Variants in COL6A1 observed in about 807,000 individuals in gnomAD.
COL6A1 encodes collagen type VI alpha 1 chain, also known as collagen alpha-1(VI) chain.
Under a neutral mutation model 145.6 loss-of-function variants are expected in COL6A1, and 80 were observed. The ratio of observed to expected loss-of-function variants is 0.55; its 90% CI spans 0.46 to 0.66. COL6A1 has a LOEUF of 0.66. COL6A1 is among the 30% of genes least tolerant of loss of function. COL6A1 has a pLI of 0.00. For synonymous variants in COL6A1, 638 were observed against 622.8 expected (o/e 1.02, Z -0.36); for missense variants, 1,364 against 1,473.8 (o/e 0.93, Z 1.22).
Position 46,003,574 on chromosome 21 carries a change from A to T in COL6A1, c.2648A>T (p.Gln883Leu). Reference protein sequence around the residue: ...VAVVQYSGTGQQRPERASLQF... With the variant: ...VAVVQYSGTGLQRPERASLQF... ...GTGGTGCAGTACAGCGGCACGGGCC[A>T]GCAGCGCCCAGAGCGGGCGTCGCTG... is the stretch of plus-strand genomic sequence containing the variant. The change falls in exon 35 of 35, where the codon CAG becomes CTG. Residue 883 changes from glutamine (Q) to leucine (L), a missense_variant. Coordinates refer to ENST00000361866, the MANE Select transcript of COL6A1 (RefSeq NM_001848.3). 1 of 1,612,660 alleles carries T rather than the reference A, an allele frequency of 6.2e-7. No homozygotes were observed. Among genetic ancestry groups the T allele is most frequent in the South Asian group, 1.1e-5 (1 of 91,072 alleles).
At chr21:45,997,543 A>C in intron 21 of COL6A1, 60 bp downstream of exon 21, 2 of 1,558,686 alleles carry the variant, frequency 1.3e-6, no homozygotes, top group Admixed American at 3.4e-5. Context: ...TCCAGAACCC[A>C]CTGTCTGCCC....
At chr21:45,999,771 T>C in intron 27 of COL6A1, 79 bp downstream of exon 27, 1 of 1,012,630 alleles carries the variant, frequency 9.9e-7, no homozygotes, top group Non-Finnish European at 1.4e-6. Context: ...TGTCCATGGG[T>C]GCTCCTGTAG....
intron 25 of COL6A1, 97 bp downstream of exon 25, chr21:45,999,056 C>T (rs1052520579): frequency 6.5e-7 from 1 of 1,542,540 alleles, no homozygotes; most frequent in Non-Finnish European, 8.8e-7. Flanking sequence ...TTGGGGAGGC[C>T]TCATGGGCCC....
rs1569518501 is a variant in COL6A1, at chr21:45,994,505, C to CG, written c.1398+280dup. On this transcript the variant is annotated intron_variant, in intron 20 of 34. Coordinates refer to ENST00000361866, the MANE Select transcript of COL6A1 (RefSeq NM_001848.3). This position sits in a 1 kb window ranked among gnomAD's most constrained non-coding sequence, Gnocchi z 6.8. ...GAGAAGCGCTGTCTGGGGGCCCATCCGGGGCAAGGGTGCCTCACAGTGAGG... is the reference window on the plus strand; with the variant it reads ...GAGAAGCGCTGTCTGGGGGCCCATCCGGGGGCAAGGGTGCCTCACAGTGAGG... Among the ~76,000 whole-genome samples, 1 of 152,048 alleles carries CG rather than the reference C, an allele frequency of 6.6e-6. No individual in the cohort carries two copies. The highest frequency in any genetic ancestry group is 1.5e-5 in the Non-Finnish European group (1 of 67,994).
At chr21:45,999,789 T>C (rs2123485333) in intron 27 of COL6A1, 97 bp downstream of exon 27, 107 of 720,070 alleles carry the variant, frequency 1.5e-4, no homozygotes, top group East Asian at 3.5e-4. Flanking sequence ...TAGACGCTGC[T>C]CACGGGGGGG....
intron 28 of COL6A1, 151 bp from the exon 29 acceptor site, chr21:46,000,608 G>T: frequency 7.5e-7 from 1 of 1,334,006 alleles, no homozygotes; most frequent in Non-Finnish European, 1.1e-6. Flanking sequence ...CCGGGGAGGC[G>T]GGGAGGCGGG....
intron 17 of COL6A1, 29 bp downstream of exon 17, chr21:45,992,246 GGGAAGTGCAT>G (rs1313336247): frequency 4.3e-6 from 7 of 1,613,562 alleles, no homozygotes; most frequent in Non-Finnish European, 5.9e-6. Flanking sequence ...CACCTTCCTG[GGGAAGTGCAT>G]GGCCTCAGCT....
chr21:46,001,742 G>A (rs2077846642), intron 30 of COL6A1, among the ~76,000 whole-genome samples: 1 of 151,754 alleles, frequency 6.6e-6, no homozygotes, highest in African/African-American at 2.4e-5. Context: ...CCCGGGGGCT[G>A]TGCCACCCTC....
At chr21:45,989,570 C>T (rs781433523) in intron 9 of COL6A1, 38 bp from the exon 10 acceptor site, 2 of 1,606,836 alleles carry the variant, frequency 1.2e-6, no homozygotes, top group Non-Finnish European at 1.7e-6. Context: ...TGCCCCTGCT[C>T]CTCCGGGGGT....
chr21:45,992,242 C>G, intron 17 of COL6A1, 25 bp downstream of exon 17: 1 of 1,613,688 alleles, frequency 6.2e-7, no homozygotes, highest in East Asian at 2.2e-5. Context: ...CTGACACCTT[C>G]CTGGGGAAGT....
At chr21:45,987,358 C>T (rs1473099739) in intron 6 of COL6A1, 141 bp from the exon 7 acceptor site, 26 of 1,472,342 alleles carry the variant, frequency 1.8e-5, no homozygotes, top group Non-Finnish European at 2.3e-5. Flanking sequence ...GTGTGTCTGC[C>T]CATGTGCCTG....
chr21:46,002,778 C>T (rs891039383), intron 33 of COL6A1, 68 bp downstream of exon 33: 1 of 1,489,198 alleles, frequency 6.7e-7, no homozygotes, highest in African/African-American at 1.4e-5. Flanking sequence ...CGGGCAGTCC[C>T]AGATCTGCGT....
chr21:45,991,087 C>T, intron 15 of COL6A1, 46 bp downstream of exon 15: 1 of 1,599,298 alleles, frequency 6.3e-7, no homozygotes, highest in Non-Finnish European at 8.6e-7. Flanking sequence ...TCACGGTTGG[C>T]CAAGCGCTGA....
intron 27 of COL6A1, among the ~76,000 whole-genome samples, 168 bp downstream of exon 27, chr21:45,999,860 C>CTGTGAAGAT (rs1299760218): frequency 4.4e-5 from 1 of 22,714 alleles, no homozygotes; most frequent in Admixed American, 8.8e-4. Flanking sequence ...ATGGGAGGAC[C>CTGTGAAGAT]CGTGAGGATC....
intron 1 of COL6A1, 109 bp from the exon 2 acceptor site, chr21:45,982,525 G>C: frequency 6.6e-7 from 1 of 1,522,422 alleles, no homozygotes; most frequent in Non-Finnish European, 9.0e-7. Context: ...GCCTCTCCGG[G>C]CCCGGGGCTC....
At chr21:45,982,523 G>T in intron 1 of COL6A1, 111 bp from the exon 2 acceptor site, 1 of 1,511,668 alleles carries the variant, frequency 6.6e-7, no homozygotes, top group South Asian at 1.2e-5. Context: ...GAGCCTCTCC[G>T]GGCCCGGGGC....
At chr21:45,989,709 A>G in intron 10 of COL6A1, 43 bp from the exon 11 acceptor site, 1 of 1,613,044 alleles carries the variant, frequency 6.2e-7, no homozygotes, top group Non-Finnish European at 8.5e-7. Context: ...CTTGCACAGC[A>G]CTAACAAGCC....
intron 4 of COL6A1, 71 bp downstream of exon 4, chr21:45,986,756 G>A (rs2123466296): frequency 1.3e-6 from 2 of 1,528,414 alleles, no homozygotes; most frequent in Non-Finnish European, 8.8e-7. Flanking sequence ...CCCGGCAGCT[G>A]GGACCGTCTT....
chr21:45,987,810 C>T (rs528141497), intron 8 of COL6A1, among the ~76,000 whole-genome samples, 156 bp downstream of exon 8: 12 of 41,746 alleles, frequency 2.9e-4, no homozygotes, highest in Non-Finnish European at 3.0e-4. Context: ...ATGGAGGGGA[C>T]GGCGGGAGTC....
Sources: allele counts gnomAD v4.1 joint callset (sites outside exome capture counted in the v4.1 genomes callset), GRCh38; gene constraint gnomAD v4.1.1; non-coding constraint Gnocchi (gnomAD v3.1); transcripts MANE v1.5; gene names NCBI Gene and HGNC (gene_info 2026-07-23, HGNC 2026-07-21).